NPEPPS: variants seen among roughly 807,000 people sequenced by gnomAD.
The protein encoded by NPEPPS is aminopeptidase puromycin sensitive, also known as puromycin-sensitive aminopeptidase.
Under a neutral mutation model 115.5 loss-of-function variants are expected in NPEPPS, and 14 were observed. That is an observed-to-expected ratio of 0.12 (90% confidence interval 0.08 to 0.19). The LOEUF (loss-of-function observed/expected upper bound fraction) is 0.19. Among genes scored for constraint, NPEPPS ranks in the 10% least tolerant of loss-of-function variants. The pLI is 1.00. For missense variants in NPEPPS, 523 were observed against 1,110.8 expected (o/e 0.47, Z 7.52); for synonymous variants, 285 against 390.6 (o/e 0.73, Z 3.19).
intron 5 of NPEPPS, among the ~76,000 whole-genome samples, chr17:47,583,087 G>T (rs911192821): frequency 6.9e-6 from 1 of 144,836 alleles, no homozygotes; most frequent in Non-Finnish European, 1.5e-5. Flanking sequence ...GGGTCAATCT[G>T]TCTTCCTGCC....
chr17:47,602,481 A>G (rs1208967311), intron 15 of NPEPPS, among the ~76,000 whole-genome samples: 1 of 151,792 alleles, frequency 6.6e-6, no homozygotes, highest in Non-Finnish European at 1.5e-5. Flanking sequence ...AAAGATACGA[A>G]AAAAAAATTA....
upstream of NPEPPS, among the ~76,000 whole-genome samples, chr17:47,529,095 G>T (rs1480683503): frequency 6.6e-6 from 1 of 152,072 alleles, no homozygotes; most frequent in Non-Finnish European, 1.5e-5. Flanking sequence ...GTTTCTGCTG[G>T]ACAGTACTGG....
At chr17:47,529,985 G>A (rs558418730), upstream of NPEPPS, among the ~76,000 whole-genome samples, 3 of 142,828 alleles carry the variant, frequency 2.1e-5, no homozygotes, top group South Asian at 7.0e-4. Context: ...CGCCCAGGCT[G>A]GAGTGCAGTG....
At chr17:47,593,724 G>T (rs979201060) in intron 12 of NPEPPS, among the ~76,000 whole-genome samples, 2 of 152,204 alleles carry the variant, frequency 1.3e-5, no homozygotes, top group South Asian at 2.1e-4. Context: ...AGCCTACATG[G>T]TATATACCCT....
intron 15 of NPEPPS, among the ~76,000 whole-genome samples, chr17:47,602,888 G>A (rs1018618411): frequency 1.3e-5 from 2 of 151,872 alleles, no homozygotes; most frequent in African/African-American, 4.8e-5. Context: ...AGATTATGTT[G>A]TAGCAATATG....
chr17:47,588,975 G>GGTTGCACTCCATTGTGGAGT (rs1296444390), intron 9 of NPEPPS, among the ~76,000 whole-genome samples: 1 of 152,152 alleles, frequency 6.6e-6, no homozygotes, highest in African/African-American at 2.4e-5. Context: ...GGAGTGCAAT[G>GGTTGCACTCCATTGTGGAGT]GCACAATCAT....
At chr17:47,575,667 C>G (rs576379342) in intron 3 of NPEPPS, among the ~76,000 whole-genome samples, 3 of 151,008 alleles carry the variant, frequency 2.0e-5, no homozygotes, top group South Asian at 2.1e-4. Flanking sequence ...TGCAGTGGCG[C>G]GATCTCAGCT....
chr17:47,585,473 A>C, intron 5 of NPEPPS, 27 bp from the exon 6 acceptor site: 1 of 1,550,710 alleles, frequency 6.4e-7, no homozygotes, highest in Non-Finnish European at 8.9e-7. Context: ...AACCTATTTA[A>C]ATTTTTCTTT....
chr17:47,611,336 T>C (rs1403825432), intron 17 of NPEPPS, among the ~76,000 whole-genome samples: 2 of 151,690 alleles, frequency 1.3e-5, no homozygotes, highest in African/African-American at 4.8e-5. Context: ...GGCACAACCG[T>C]GTATTCCCAG....
intron 12 of NPEPPS, among the ~76,000 whole-genome samples, chr17:47,594,629 A>ATGTTATGTTATGT (rs1555610748): frequency 1.0e-4 from 15 of 144,760 alleles, no homozygotes; most frequent in African/African-American, 3.9e-4. Context: ...ATGTTATGTT[A>ATGTTATGTTATGT]TGTTATGTTA....
At chr17:47,617,509 A>ATTT (rs386364992) in intron 19 of NPEPPS, among the ~76,000 whole-genome samples, 20 of 125,256 alleles carry the variant, frequency 1.6e-4, no homozygotes, top group Non-Finnish European at 2.6e-4. Context: ...ATATATATAT[A>ATTT]TATTTTTTAG....
At chr17:47,619,868 T>A in intron 22 of NPEPPS, 84 bp downstream of exon 22, 1 of 1,048,770 alleles carries the variant, frequency 9.5e-7, no homozygotes, top group Non-Finnish European at 1.5e-6. Context: ...GTTGGGATAA[T>A]GTACTGTAGC....
chr17:47,578,352 ATTTGTTAGACTTCCCATGC>A (rs1195001229), intron 3 of NPEPPS, among the ~76,000 whole-genome samples: 1 of 152,098 alleles, frequency 6.6e-6, no homozygotes, highest in Non-Finnish European at 1.5e-5. Flanking sequence ...CCTATCTTTG[ATTTGTTAGACTTCCCATGC>A]TTTAAATCTT....
At chr17:47,621,695 A>G (rs1914583930) in intron 22 of NPEPPS, 73 bp from the exon 23 acceptor site, 4 of 1,429,940 alleles carry the variant, frequency 2.8e-6, no homozygotes, top group East Asian at 2.3e-5. Flanking sequence ...ACCAGTGGGT[A>G]TTTTTTCATA....
intron 1 of NPEPPS, among the ~76,000 whole-genome samples, chr17:47,523,629 G>A (rs1169930334): frequency 1.3e-5 from 2 of 151,914 alleles, no homozygotes; most frequent in Non-Finnish European, 2.9e-5. Context: ...CACCATGTTC[G>A]CCAGGCTAGT....
intron 1 of NPEPPS, among the ~76,000 whole-genome samples, chr17:47,538,526 C>CTTTTTT (rs1029993473): frequency 1.9e-5 from 2 of 104,438 alleles, no homozygotes; most frequent in Non-Finnish European, 3.9e-5. Flanking sequence ...TATCTGTTTT[C>CTTTTTT]TTTTTTTTTT....
intron 1 of NPEPPS, among the ~76,000 whole-genome samples, chr17:47,533,804 T>C (rs1907997929): frequency 6.6e-6 from 1 of 152,014 alleles, no homozygotes; most frequent in South Asian, 2.1e-4. Context: ...AAAAAATAAA[T>C]AAATTTTTTA....
chr17:47,622,128 TAAAA>T lies in NPEPPS; in HGVS notation c.*211_*214del. Reference sequence around the variant, plus strand: ...AATCAGCAATTCAGCAAAAAATAAATAAAAAATAAAAATGTAAATATGATAGTAA... The same window carrying T: ...AATCAGCAATTCAGCAAAAAATAAATAATAAAAATGTAAATATGATAGTAA... On this transcript the variant is annotated 3_prime_UTR_variant, in exon 23 of 23. Transcript: ENST00000322157. The T allele has an allele frequency of 8.0e-7, 1 of 1,255,066 alleles. No individual in the cohort carries two copies. The highest frequency in any genetic ancestry group is 1.0e-6 in the Non-Finnish European group (1 of 991,626). 77.7% of individuals were successfully genotyped at this position (1,255,066 alleles called of 1,614,324 possible). A position where few individuals can be genotyped will look rare whatever the true frequency, so the allele number is the denominator to read the frequency against.
At chr17:47,572,325 A>G (rs1240328730) in intron 3 of NPEPPS, among the ~76,000 whole-genome samples, 1 of 152,172 alleles carries the variant, frequency 6.6e-6, no homozygotes, top group Non-Finnish European at 1.5e-5. Context: ...TCATTGACCA[A>G]AGCAAGTAGC....
Sources: gnomAD v4.1 joint callset for allele counts (sites outside exome capture counted in the v4.1 genomes callset) on GRCh38, gnomAD v4.1.1 for gene constraint, MANE v1.5 for transcripts, NCBI Gene and HGNC (gene_info 2026-07-23, HGNC 2026-07-21) for gene names.